Variants in ODAD2 observed in about 807,000 individuals in gnomAD.
ODAD2 encodes the protein outer dynein arm-docking complex subunit 2.
ODAD2 carries 89 observed loss-of-function variants against 106.8 expected under a neutral mutation model. The observed-to-expected ratio is 0.83, with a 90% CI of 0.70 to 0.99. ODAD2 has a LOEUF of 0.99. ODAD2 is among the 50% of genes least tolerant of loss of function. The pLI is 0.00. For synonymous variants in ODAD2, 404 were observed against 436.2 expected (o/e 0.93, Z 0.92); for missense variants, 1,168 against 1,238.5 (o/e 0.94, Z 0.85).
chr10:27,977,522 G>A (rs959024130), intron 7 of ODAD2, among the ~76,000 whole-genome samples: 6 of 151,892 alleles, frequency 4.0e-5, no homozygotes, highest in Admixed American at 1.3e-4. Flanking sequence ...AGCCAAGATC[G>A]ATCATGCCAC....
chr10:27,827,950 G>A lies in ODAD2; in HGVS notation c.3022-15325C>T, dbSNP rs114716953. On this transcript the variant is annotated intron_variant, in intron 19 of 19. Coordinates refer to ENST00000305242, the MANE Select transcript of ODAD2 (RefSeq NM_018076.5). ...TGCTACTTTAAAAGTTCTAGCAAGC[G>A]GATTGGCCAGAAGGAGATGCAGAGG... Among the ~76,000 whole-genome samples, 1,281 of 152,230 alleles carry A rather than the reference G, an allele frequency of 8.4e-3. 18 individuals carry two copies. Among genetic ancestry groups the A allele is most frequent in the African/African-American group, 0.03 (1,226 of 41,516 alleles).
intron 19 of ODAD2, among the ~76,000 whole-genome samples, chr10:27,831,027 T>A (rs977375438): frequency 1.3e-5 from 2 of 152,048 alleles, no homozygotes; most frequent in Non-Finnish European, 2.9e-5. Flanking sequence ...AAAGGCACCA[T>A]GAGAAAAACA....
chr10:27,890,825 AG>A (rs1842510847), intron 17 of ODAD2, among the ~76,000 whole-genome samples: 1 of 152,072 alleles, frequency 6.6e-6, no homozygotes, highest in Non-Finnish European at 1.5e-5. Flanking sequence ...TTAGGATTTT[AG>A]GATCTGGGGG....
intron 17 of ODAD2, among the ~76,000 whole-genome samples, chr10:27,873,209 TG>T (rs1841051373): frequency 7.0e-6 from 1 of 142,166 alleles, no homozygotes; most frequent in South Asian, 2.5e-4. Flanking sequence ...ATATCCCCTT[TG>T]TCATTTTTTA....
At chr10:27,897,331 CA>C (rs1348499112) in intron 17 of ODAD2, among the ~76,000 whole-genome samples, 1 of 152,146 alleles carries the variant, frequency 6.6e-6, no homozygotes, top group African/African-American at 2.4e-5. Context: ...TTCGTGTATT[CA>C]AATGACTGGA....
intron 18 of ODAD2, among the ~76,000 whole-genome samples, chr10:27,861,939 G>A (rs1011272549): frequency 1.3e-5 from 2 of 152,142 alleles, no homozygotes; most frequent in Non-Finnish European, 2.9e-5. Context: ...AAATACCTCT[G>A]GTCATGGTGA....
intron 17 of ODAD2, among the ~76,000 whole-genome samples, chr10:27,863,889 TAAGAG>T (rs1840251082): frequency 6.6e-6 from 1 of 151,974 alleles, no homozygotes; most frequent in African/African-American, 2.4e-5. Flanking sequence ...AAGTGAGACT[TAAGAG>T]GTGAGATCTT....
At position 27,978,089 on chromosome 10, in the gene ODAD2, G is replaced by A. The variant is rs113336733; in HGVS notation, c.936+3377C>T. Among the ~76,000 whole-genome samples the A allele has an allele frequency of 1.6e-4, 24 of 152,228 alleles. 2 individuals are homozygous for A. The South Asian group carries it at 2.1e-3, about 13-fold the overall frequency. On this transcript the variant is annotated intron_variant, in intron 7 of 19. Transcript: ENST00000305242. ...TTAGTAGTTTTATTTGTAATAGCCCGAAACCTGAAATAACTACACATCCAT... is the reference window on the plus strand; with the variant it reads ...TTAGTAGTTTTATTTGTAATAGCCCAAAACCTGAAATAACTACACATCCAT...
In ODAD2 at chr10:27,921,522, A is replaced by T. The variant is rs1844778185; in HGVS notation, c.2495+13488T>A. ...TGAAGATCCATGAATTCCAGTAATT[A>T]AAAAAAAAAATCCTTATCAGTCTTG... On this transcript the variant is annotated intron_variant, in intron 16 of 19. Coordinates refer to ENST00000305242, the MANE Select transcript of ODAD2 (RefSeq NM_018076.5). 3.1e-5 allele frequency among the ~76,000 whole-genome samples: 4 copies of T among 130,042 alleles called. No homozygotes were observed. In the South Asian group the frequency reaches 8.9e-4, roughly 29 times the overall value. 85.3% of individuals were successfully genotyped at this position (130,042 alleles called of 152,430 possible). A position where few individuals can be genotyped will look rare whatever the true frequency, so the allele number is the denominator to read the frequency against.
chr10:27,959,466 A>T (rs1374518557), intron 10 of ODAD2, among the ~76,000 whole-genome samples: 1 of 151,934 alleles, frequency 6.6e-6, no homozygotes, highest in Non-Finnish European at 1.5e-5. Flanking sequence ...ATGCAGAGGC[A>T]CTGTTGCAAG....
intron 19 of ODAD2, among the ~76,000 whole-genome samples, chr10:27,833,890 G>A (rs542793457): frequency 1.3e-5 from 2 of 152,328 alleles, no homozygotes; most frequent in Non-Finnish European, 2.9e-5. Context: ...TCTGAAACCT[G>A]AAAGATGGTT....
At chr10:27,849,775 T>C (rs2133210855) in intron 19 of ODAD2, among the ~76,000 whole-genome samples, 1 of 152,290 alleles carries the variant, frequency 6.6e-6, no homozygotes, top group Non-Finnish European at 1.5e-5. Flanking sequence ...AAAAAATAGT[T>C]CCTAATGGGT....
chr10:27,879,627 T>C (rs2133547923), intron 17 of ODAD2, among the ~76,000 whole-genome samples: 1 of 152,170 alleles, frequency 6.6e-6, no homozygotes, highest in South Asian at 2.1e-4. Context: ...TCTAACTATA[T>C]GATGTATTAT....
At chr10:27,956,552 G>C (rs895956742) in intron 10 of ODAD2, among the ~76,000 whole-genome samples, 8 of 152,180 alleles carry the variant, frequency 5.3e-5, no homozygotes, top group Admixed American at 2.0e-4. Context: ...ATCCTGTAGT[G>C]ACAGCTCTAG....
chr10:27,977,841 C>T (rs1288345770), intron 7 of ODAD2, among the ~76,000 whole-genome samples: 1 of 152,098 alleles, frequency 6.6e-6, no homozygotes, highest in African/African-American at 2.4e-5. Context: ...CAGTACACAC[C>T]TATTAGAATG....
chr10:27,869,294 T>A (rs1840678783), intron 17 of ODAD2, among the ~76,000 whole-genome samples: 1 of 152,024 alleles, frequency 6.6e-6, no homozygotes, highest in Admixed American at 6.5e-5. Context: ...AACACATGTA[T>A]GTAAGAGTCC....
Position 27,981,554 on chromosome 10 carries a change from T to C in ODAD2, c.848A>G (p.Asn283Ser). 1 of 1,545,774 alleles carries C rather than the reference T, an allele frequency of 6.5e-7. No individual in the cohort carries two copies. Among genetic ancestry groups the C allele is most frequent in the South Asian group, 1.3e-5 (1 of 77,594 alleles). ...GGKTDDEGDVNYERKGSIYKN... is the reference protein window; with the variant it reads ...GGKTDDEGDVSYERKGSIYKN... ...ATAAATTGAACCTTTTCTCTCATAA[T>C]TAACGTCCCCTTCATCATCTGTTTT... The change falls in exon 7 of 20, where the codon AAT (asparagine) becomes AGT (serine). Residue 283 changes from asparagine to serine, a missense_variant. Asn to Ser is a conservative substitution (Grantham distance 46). Coordinates refer to ENST00000305242, the MANE Select transcript of ODAD2 (RefSeq NM_018076.5).
chr10:27,854,766 T>A (rs1340960675), intron 19 of ODAD2, among the ~76,000 whole-genome samples: 4 of 151,360 alleles, frequency 2.6e-5, no homozygotes, highest in African/African-American at 9.7e-5. Context: ...AAAACAAAAC[T>A]AAACAAAACA....
intron 17 of ODAD2, among the ~76,000 whole-genome samples, chr10:27,899,275 T>G (rs758520161): frequency 6.6e-6 from 1 of 151,948 alleles, no homozygotes; most frequent in Non-Finnish European, 1.5e-5. Flanking sequence ...AACAGTATAC[T>G]CTGGCCCAGA....
Sources: allele counts gnomAD v4.1 joint callset (sites outside exome capture counted in the v4.1 genomes callset), GRCh38; gene constraint gnomAD v4.1.1; transcripts MANE v1.5; gene names NCBI Gene and HGNC (gene_info 2026-07-23, HGNC 2026-07-21).